The following GCM1 variants were observed in gnomAD, a reference collection of about 807,000 sequenced individuals.
The protein encoded by GCM1 is chorion-specific transcription factor GCMa.
In GCM1, 2 loss-of-function variants were observed where a neutral mutation model predicts 25.7. The ratio of observed to expected loss-of-function variants is 0.08; its 90% CI spans 0.03 to 0.24. The LOEUF is 0.24. Ranked by LOEUF, GCM1 falls within the 10% of genes least tolerant of loss-of-function variation. The pLI, the probability that GCM1 is intolerant of heterozygous loss-of-function variation, is 1.00. For synonymous variants in GCM1, 183 were observed against 195.7 expected (o/e 0.94, Z 0.54); for missense variants, 395 against 538.7 (o/e 0.73, Z 2.64).
In GCM1 at chr6:53,127,010, T is replaced by A. The variant is rs1440235701; in HGVS notation, c.*1196A>T. On this transcript the variant is annotated 3_prime_UTR_variant, in exon 6 of 6. Coordinates refer to ENST00000259803, the MANE Select transcript of GCM1 (RefSeq NM_003643.4). The stretch of plus-strand genomic sequence containing the variant: ...TGCATGGTTCTCTCCAGATTTTATG[T>A]CTAGGCTTACTTTTATCATAAAGTA... 1 of 152,182 alleles carries A rather than the reference T, an allele frequency of 6.6e-6. No homozygotes were observed. The highest frequency in any genetic ancestry group is 1.5e-5 in the Non-Finnish European group (1 of 68,034). 9.4% of individuals were successfully genotyped at this position (152,182 alleles called of 1,614,324 possible).
Position 53,128,917 on chromosome 6 carries a change from C to A in GCM1, c.600G>T (p.Gly200=). The change falls in exon 6 of 6, where the codon GGG becomes GGT. Residue 200 remains glycine (G), a synonymous_variant. Coordinates refer to ENST00000259803, the MANE Select transcript of GCM1 (RefSeq NM_003643.4). ...GGAAAGACCAAGTTAAAGGTAAACT[C>A]CCCTGACTTTGTGTTTCACCTGGAA... ...RSLPGETQSQ[G]SLPLTWSFQE... is the part of the protein sequence containing the mutation. 1 of 1,613,304 alleles carries A rather than the reference C, an allele frequency of 6.2e-7. No homozygotes were observed. Among genetic ancestry groups the A allele is most frequent in the Non-Finnish European group, 8.5e-7 (1 of 1,179,386 alleles).
chr6:53,144,480 G>A (rs1763924875), intron 2 of GCM1, among the ~76,000 whole-genome samples: 1 of 151,596 alleles, frequency 6.6e-6, no homozygotes, highest in African/African-American at 2.4e-5. Flanking sequence ...CACTATTTCA[G>A]TGCATGTATG....
chr6:53,128,126 T>TA lies in GCM1; in HGVS notation c.*79dup. The TA allele has an allele frequency of 9.1e-7, 1 of 1,096,318 alleles. No individual in the cohort carries two copies. Among genetic ancestry groups the TA allele is most frequent in the South Asian group, 1.5e-5 (1 of 65,578 alleles). 67.9% of individuals were successfully genotyped at this position (1,096,318 alleles called of 1,614,324 possible). On this transcript the variant is annotated 3_prime_UTR_variant, in exon 6 of 6. Transcript: ENST00000259803. ...TTCTCATTTATCTGTGGTTATGTTT[T>TA]AAAAATTATTTCCTAAGGAAATTCT...
intron 2 of GCM1, among the ~76,000 whole-genome samples, chr6:53,143,860 G>C (rs1341885267): frequency 1.3e-5 from 2 of 152,058 alleles, no homozygotes; most frequent in South Asian, 4.1e-4. Context: ...GGGGTTGGAA[G>C]TTAAGGAAAA....
At chr6:53,128,986 C>A in intron 5 of GCM1, 40 bp from the exon 6 acceptor site, 1 of 1,558,560 alleles carries the variant, frequency 6.4e-7, no homozygotes, top group Non-Finnish European at 8.7e-7. Context: ...ATAAGTTAAG[C>A]AAATCAAAAC....
intron 5 of GCM1, among the ~76,000 whole-genome samples, chr6:53,129,401 A>G (rs1469230400): frequency 6.6e-6 from 1 of 151,574 alleles, no homozygotes; most frequent in African/African-American, 2.4e-5. Context: ...CAGCCTCTCA[A>G]TAGCTGGGAT....
intron 1 of GCM1, among the ~76,000 whole-genome samples, chr6:53,147,069 A>G (rs550990431): frequency 6.6e-6 from 1 of 152,262 alleles, no homozygotes; most frequent in African/African-American, 2.4e-5. Context: ...ATAAATAAAT[A>G]AATGAATGAA....
chr6:53,138,964 AAACTAAT>A (rs1763837888), intron 2 of GCM1, among the ~76,000 whole-genome samples: 2 of 152,236 alleles, frequency 1.3e-5, no homozygotes, highest in Non-Finnish European at 2.9e-5. Context: ...TTGTTATATA[AAACTAAT>A]CAATTAAAAT....
At position 53,128,386 on chromosome 6, in the gene GCM1, C is replaced by T. The variant is rs1414942688; in HGVS notation, c.1131G>A (p.Gln377=). Reference sequence around the variant, plus strand: ...CTTGAGGTGAATGGTATGCAGGAGACTGGACGTAGCTGTTAAAATCCACAT... The same window carrying T: ...CTTGAGGTGAATGGTATGCAGGAGATTGGACGTAGCTGTTAAAATCCACAT... The part of the protein sequence containing the change: ...KVHVDFNSYV[Q]SPAYHSPQED... The change falls in exon 6 of 6, where the codon CAG becomes CAA. Residue 377 remains glutamine (Q), a synonymous_variant. Coordinates refer to ENST00000259803, the MANE Select transcript of GCM1 (RefSeq NM_003643.4). The T allele has an allele frequency of 1.2e-6, 2 of 1,613,800 alleles. No homozygotes were observed. Among genetic ancestry groups the T allele is most frequent in the Non-Finnish European group, 1.7e-6 (2 of 1,179,712 alleles).
chr6:53,145,778 T>G lies in GCM1; in HGVS notation c.-136-10A>C. 1 of 588,246 alleles carries G rather than the reference T, an allele frequency of 1.7e-6. No individual in the cohort carries two copies. Among genetic ancestry groups the G allele is most frequent in the East Asian group, 3.0e-5 (1 of 33,470 alleles). The allele number at this position is 588,246 out of a possible 1,614,324, so 36.4% of individuals were successfully genotyped here. A position where few individuals can be genotyped will look rare whatever the true frequency, so the allele number is the denominator to read the frequency against. Reference sequence around the variant, plus strand: ...AGATTGTTTTCTAGGGCTAAAAAAATAAGTTATATTAGTATTGGCCATTAA... The same window carrying G: ...AGATTGTTTTCTAGGGCTAAAAAAAGAAGTTATATTAGTATTGGCCATTAA... On this transcript the variant is annotated splice_polypyrimidine_tract_variant and intron_variant, in intron 1 of 5. Coordinates refer to ENST00000259803, the MANE Select transcript of GCM1 (RefSeq NM_003643.4).
rs1038061002 is a variant in GCM1 at position 53,145,727 on chromosome 6, G to A, written c.-95C>T. ...CAAAGGTTCTTGATATAGCTGGATC[G>A]GCCCACTCAAGCACCTTGGACCAGG... On this transcript the variant is annotated 5_prime_UTR_variant, in exon 2 of 6. Coordinates refer to ENST00000259803, the MANE Select transcript of GCM1 (RefSeq NM_003643.4). 36 of 739,346 alleles carry A rather than the reference G, an allele frequency of 4.9e-5. No individual in the cohort carries two copies. The highest frequency in any genetic ancestry group is 4.3e-4 in the East Asian group (17 of 39,540). 45.8% of individuals were successfully genotyped at this position (739,346 alleles called of 1,614,324 possible). A position where few individuals can be genotyped will look rare whatever the true frequency, so the allele number is the denominator to read the frequency against.
At chr6:53,133,329 A>C (rs572252081) in intron 3 of GCM1, among the ~76,000 whole-genome samples, 80 of 110,928 alleles carry the variant, frequency 7.2e-4, no homozygotes, top group African/African-American at 2.5e-3. Context: ...CACACCCGGC[A>C]AATGTGTGTG....
At chr6:53,138,031 C>T (rs1763823349) in intron 2 of GCM1, among the ~76,000 whole-genome samples, 1 of 152,028 alleles carries the variant, frequency 6.6e-6, no homozygotes, top group African/African-American at 2.4e-5. Flanking sequence ...CCTGTAATCC[C>T]AGCACTTTGG....
Position 53,128,721 on chromosome 6 carries a change from G to C in GCM1, c.796C>G (p.Arg266Gly), listed in dbSNP as rs371602759. The C allele has an allele frequency of 6.2e-7, 1 of 1,614,036 alleles. No homozygotes were observed. ...TAGGTTCTGCTACTGGACAATTTGC[G>C]CTTTTCATAGAGCTTCATGGGGTCC... ...TVDPMKLYEK[R>G]KLSSSRTYSS... The change falls in exon 6 of 6, where the codon CGC (arginine) becomes GGC (glycine). Residue 266 changes from arginine (R) to glycine (G), a missense_variant. Coordinates refer to ENST00000259803, the MANE Select transcript of GCM1 (RefSeq NM_003643.4).
chr6:53,148,597 C>T (rs918899330), intron 1 of GCM1, among the ~76,000 whole-genome samples, 157 bp downstream of exon 1: 4 of 152,146 alleles, frequency 2.6e-5, no homozygotes, highest in Non-Finnish European at 5.9e-5. Flanking sequence ...CTACACTTGT[C>T]AAGACTCCTT....
rs1196903120 is a variant in GCM1, at chr6:53,128,436, C to T, written c.1081G>A (p.Gly361Ser). Residue 361 changes from glycine to serine, a missense_variant, in exon 6 of 6, where the codon GGT becomes AGT. Transcript: ENST00000259803. Reference sequence around the variant, plus strand: ...TGTACTTTCTCTTCATAAAGATTACCCGCTGGATTTGGCCATAATGGGGGA... The same window carrying T: ...TGTACTTTCTCTTCATAAAGATTACTCGCTGGATTTGGCCATAATGGGGGA... ...GCPPLWPNPA[G>S]NLYEEKVHVD... is the part of the protein sequence containing the mutation. 6.2e-7 allele frequency: 1 copy of T among 1,613,988 alleles called. No homozygotes were observed. The highest frequency in any genetic ancestry group is 1.1e-5 in the South Asian group (1 of 91,066).
intron 5 of GCM1, among the ~76,000 whole-genome samples, chr6:53,130,103 A>G (rs1763703550): frequency 6.6e-6 from 1 of 152,196 alleles, no homozygotes; most frequent in Non-Finnish European, 1.5e-5. Context: ...TTTCCCTACA[A>G]CAGATCCACA....
chr6:53,145,741 C>T lies in GCM1; in HGVS notation c.-109G>A. 1.5e-6 allele frequency: 1 copy of T among 682,058 alleles called. No individual in the cohort carries two copies. The highest frequency in any genetic ancestry group is 2.6e-6 in the Non-Finnish European group (1 of 381,582). 42.3% of individuals were successfully genotyped at this position (682,058 alleles called of 1,614,324 possible). The stretch of plus-strand genomic sequence containing the variant: ...ATAGCTGGATCGGCCCACTCAAGCA[C>T]CTTGGACCAGGAGATTGTTTTCTAG... On this transcript the variant is annotated 5_prime_UTR_variant, in exon 2 of 6. In the 5' UTR this introduces an upstream ATG that the reference lacks. Coordinates refer to ENST00000259803, the MANE Select transcript of GCM1 (RefSeq NM_003643.4).
chr6:53,134,129 C>G lies in GCM1; in HGVS notation c.271G>C (p.Gly91Arg). Residue 91 changes from glycine to arginine, a missense_variant, in exon 3 of 6, where the codon GGG (glycine) becomes CGG (arginine). Physicochemically the swap from Gly to Arg is moderately radical, Grantham distance 125. Transcript: ENST00000259803. ...VCGRDCLAEE[G>R]RKIYLRPAIC... ...GCAGGTCTCAGGTAGATCTTGCGCC[C>G]CTCCTCTGCGAGACAGTCGCGGCCG... 1.2e-6 allele frequency: 2 copies of G among 1,614,182 alleles called. No homozygotes were observed. Among genetic ancestry groups the G allele is most frequent in the Non-Finnish European group, 1.7e-6 (2 of 1,180,036 alleles).
Sources: allele counts gnomAD v4.1 joint callset (sites outside exome capture counted in the v4.1 genomes callset), GRCh38; gene constraint gnomAD v4.1.1; transcripts MANE v1.5; gene names NCBI Gene and HGNC (gene_info 2026-07-23, HGNC 2026-07-21).